SNTG1: variants seen among roughly 807,000 people sequenced by gnomAD.
SNTG1 encodes the protein syntrophin gamma 1, also known as gamma-1-syntrophin.
Under a neutral mutation model 74.7 loss-of-function variants are expected in SNTG1, and 39 were observed. The ratio of observed to expected loss-of-function variants is 0.52; its 90% CI spans 0.40 to 0.68. The LOEUF (loss-of-function observed/expected upper bound fraction) is 0.68. Ranked by LOEUF, SNTG1 falls within the 30% of genes least tolerant of loss-of-function variation. The probability of loss-of-function intolerance (pLI) is 0.00; values close to 1 mark genes in which losing one functional copy is unlikely to be tolerated. For synonymous variants in SNTG1, 254 were observed against 217.1 expected (o/e 1.17, Z -1.49); for missense variants, 685 against 609.5 (o/e 1.12, Z -1.30).
intron 17 of SNTG1, among the ~76,000 whole-genome samples, chr8:50,747,601 T>A (rs986260991): frequency 6.6e-6 from 1 of 152,092 alleles, no homozygotes; most frequent in African/African-American, 2.4e-5. Context: ...AATCTCCATG[T>A]CGAATTTTCC....
chr8:50,160,010 T>C (rs1048111800), intron 1 of SNTG1, among the ~76,000 whole-genome samples: 1 of 152,202 alleles, frequency 6.6e-6, no homozygotes, highest in Admixed American at 6.5e-5. Flanking sequence ...GGGAGAAATT[T>C]TAATTCAGAA....
At chr8:50,158,233 A>G (rs1460880201) in intron 1 of SNTG1, among the ~76,000 whole-genome samples, 1 of 152,144 alleles carries the variant, frequency 6.6e-6, no homozygotes. Flanking sequence ...TTAATGTCAC[A>G]TGGCTGGAAT....
At chr8:50,106,865 T>C (rs1328740794) in intron 1 of SNTG1, among the ~76,000 whole-genome samples, 1 of 152,168 alleles carries the variant, frequency 6.6e-6, no homozygotes, top group African/African-American at 2.4e-5. Flanking sequence ...GGAATTTCAA[T>C]AATATGTATA....
chr8:50,259,092 A>C (rs969498404), intron 2 of SNTG1, among the ~76,000 whole-genome samples: 10 of 152,292 alleles, frequency 6.6e-5, no homozygotes, highest in African/African-American at 2.4e-4. Flanking sequence ...ACTTCTCATT[A>C]TTTACAAGGA....
At chr8:50,453,479 T>G (rs2093474762) in intron 8 of SNTG1, among the ~76,000 whole-genome samples, 1 of 152,168 alleles carries the variant, frequency 6.6e-6, no homozygotes. Context: ...CAGCACCGCT[T>G]GGCATGCAGC....
At position 50,708,916 on chromosome 8, in the gene SNTG1, C is replaced by T; in HGVS notation, c.1222C>T (p.His408Tyr). 1 of 1,613,796 alleles carries T rather than the reference C, an allele frequency of 6.2e-7. No individual in the cohort carries two copies. The highest frequency in any genetic ancestry group is 8.5e-7 in the Non-Finnish European group (1 of 1,179,848). Residue 408 changes from histidine to tyrosine, a missense_variant, in exon 17 of 19, where the codon CAT (histidine) becomes TAT (tyrosine). His to Tyr is a moderately conservative substitution (Grantham distance 83). Transcript: ENST00000642720. ...GACCTATGCATGTGTGCTAGAAAGT[C>T]ATCTAATGGGACTCACAATTGATTT... The part of the protein sequence containing the change: ...CKTYACVLES[H>Y]LMGLTIDFST...
chr8:50,755,437 T>C (rs1157727273), intron 18 of SNTG1, among the ~76,000 whole-genome samples: 1 of 151,950 alleles, frequency 6.6e-6, no homozygotes, highest in East Asian at 1.9e-4. Flanking sequence ...ACTTAATAAC[T>C]CATTTCTTTT....
At chr8:50,686,823 AT>A (rs1362815557) in intron 15 of SNTG1, among the ~76,000 whole-genome samples, 1 of 152,182 alleles carries the variant, frequency 6.6e-6, no homozygotes, top group East Asian at 1.9e-4. Context: ...AATAGCAAAA[AT>A]TGCATGACCT....
chr8:50,429,721 T>C (rs900526688), intron 4 of SNTG1, among the ~76,000 whole-genome samples: 19 of 152,110 alleles, frequency 1.2e-4, no homozygotes, highest in Non-Finnish European at 2.2e-4. Flanking sequence ...TGGGAGAACA[T>C]TTTTGTAAAT....
intron 2 of SNTG1, among the ~76,000 whole-genome samples, chr8:50,260,569 G>C (rs1161392878): frequency 6.6e-6 from 1 of 151,464 alleles, no homozygotes; most frequent in East Asian, 1.9e-4. Flanking sequence ...AAGCAAAAGA[G>C]AGTTTGAAAC....
chr8:50,463,475 C>A (rs982292373), intron 8 of SNTG1, among the ~76,000 whole-genome samples: 2 of 152,150 alleles, frequency 1.3e-5, no homozygotes, highest in African/African-American at 4.8e-5. Context: ...AGCATGAAAA[C>A]AAAATTAATC....
At chr8:50,571,923 C>T (rs772598989) in intron 12 of SNTG1, among the ~76,000 whole-genome samples, 2 of 152,062 alleles carry the variant, frequency 1.3e-5, no homozygotes, top group South Asian at 4.2e-4. Context: ...AGCTTCAAAG[C>T]CAAGGACCCC....
intron 1 of SNTG1, among the ~76,000 whole-genome samples, chr8:49,928,523 G>A (rs1002952251): frequency 3.3e-5 from 5 of 152,098 alleles, no homozygotes; most frequent in Admixed American, 6.5e-5. Flanking sequence ...GAGCCACCGC[G>A]ACCGGCCAGA....
At chr8:49,928,462 C>T (rs183852330) in intron 1 of SNTG1, among the ~76,000 whole-genome samples, 2 of 152,090 alleles carry the variant, frequency 1.3e-5, no homozygotes, top group Non-Finnish European at 2.9e-5. Flanking sequence ...AACTCCTAAC[C>T]TCAGGTGATC....
chr8:49,931,402 A>G (rs574736201), intron 1 of SNTG1, among the ~76,000 whole-genome samples: 14 of 152,302 alleles, frequency 9.2e-5, no homozygotes, highest in Admixed American at 8.5e-4. Context: ...ACTGTAGACT[A>G]CTAGAGGGAA....
intron 12 of SNTG1, among the ~76,000 whole-genome samples, chr8:50,579,735 G>T (rs1292064556): frequency 1.3e-5 from 2 of 152,240 alleles, no homozygotes; most frequent in Non-Finnish European, 2.9e-5. Flanking sequence ...TCCATGTGGT[G>T]TTTGCCCTTT....
intron 1 of SNTG1, among the ~76,000 whole-genome samples, chr8:50,148,761 G>A (rs2081962930): frequency 6.6e-6 from 1 of 152,102 alleles, no homozygotes; most frequent in East Asian, 1.9e-4. Context: ...AGTATTCCAT[G>A]GTCTATATGT....
intron 4 of SNTG1, among the ~76,000 whole-genome samples, chr8:50,413,264 G>T (rs934275910): frequency 2.0e-5 from 3 of 152,134 alleles, no homozygotes; most frequent in Non-Finnish European, 2.9e-5. Context: ...ATGCATAGAG[G>T]CATAGATGGA....
chr8:50,193,521 G>T (rs2083654186), intron 2 of SNTG1, among the ~76,000 whole-genome samples: 1 of 152,064 alleles, frequency 6.6e-6, no homozygotes, highest in Admixed American at 6.6e-5. Context: ...CATTAATCTT[G>T]TATCTGGAAA....
Sources: allele counts gnomAD v4.1 joint callset (sites outside exome capture counted in the v4.1 genomes callset), GRCh38; gene constraint gnomAD v4.1.1; transcripts MANE v1.5; gene names NCBI Gene and HGNC (gene_info 2026-07-23, HGNC 2026-07-21).